FTSJ3: variants seen among roughly 807,000 people sequenced by gnomAD.
FTSJ3 encodes pre-rRNA 2'-O-ribose RNA methyltransferase FTSJ3.
FTSJ3 carries 46 observed loss-of-function variants against 111.5 expected under a neutral mutation model. That is an observed-to-expected ratio of 0.41 (90% confidence interval 0.33 to 0.53). FTSJ3 has a LOEUF of 0.53. Among genes scored for constraint, FTSJ3 ranks in the 20% least tolerant of loss-of-function variants. The probability of loss-of-function intolerance (pLI) is 0.19; values close to 1 mark genes in which losing one functional copy is unlikely to be tolerated. For synonymous variants in FTSJ3, 408 were observed against 383.0 expected (o/e 1.07, Z -0.76); for missense variants, 1,075 against 1,063.8 (o/e 1.01, Z -0.15).
rs201676074 is a variant in FTSJ3, at chr17:63,819,858, T to C, written c.2488A>G (p.Lys830Glu). 3.6e-5 allele frequency: 58 copies of C among 1,613,966 alleles called. No homozygotes were observed. The highest frequency in any genetic ancestry group is 6.7e-5 in the East Asian group (3 of 44,882). ...TTACGTTGCTGTGCTCTTTGGTCCT[T>C]CTTCATCCTTGAGTCCACCACCTTG... ...HFKVVDSRMK[K>E]DQRAQQRKEQ... is the part of the protein sequence containing the mutation. The change falls in exon 21 of 21, where the codon AAG (lysine) becomes GAG (glutamate). Residue 830 changes from lysine (K) to glutamate (E), a missense_variant. Coordinates refer to ENST00000427159, the MANE Select transcript of FTSJ3 (RefSeq NM_017647.4).
At position 63,821,968 on chromosome 17, in the gene FTSJ3, C is replaced by T; in HGVS notation, c.1475+16G>A. The T allele has an allele frequency of 6.2e-7, 1 of 1,613,340 alleles. No homozygotes were observed. The highest frequency in any genetic ancestry group is 8.5e-7 in the Non-Finnish European group (1 of 1,179,412). The stretch of plus-strand genomic sequence containing the variant: ...CAGAGTGGCAGCATTCCCTTTGGTG[C>T]ACACGTGCCCCTTACCGCTTTTGGT... On this transcript the variant is annotated intron_variant, in intron 14 of 20. Coordinates refer to ENST00000427159, the MANE Select transcript of FTSJ3 (RefSeq NM_017647.4).
Position 63,826,362 on chromosome 17 carries a change from C to G in FTSJ3, c.174-58G>C, listed in dbSNP as rs2040103892. 7.9e-6 allele frequency: 12 copies of G among 1,520,948 alleles called. No individual in the cohort carries two copies. In the South Asian group the frequency reaches 1.2e-4, roughly 16 times the overall value. 94.2% of individuals were successfully genotyped at this position (1,520,948 alleles called of 1,614,324 possible). A position where few individuals can be genotyped will look rare whatever the true frequency, so the allele number is the denominator to read the frequency against. On this transcript the variant is annotated intron_variant, in intron 3 of 20. Transcript: ENST00000427159. ...GCCATCCTTTTCCCCCTCTTGGCAACTGATCTCTCATCCCTGGTGTTACGT... is the reference window on the plus strand; with the variant it reads ...GCCATCCTTTTCCCCCTCTTGGCAAGTGATCTCTCATCCCTGGTGTTACGT...
rs1225840036 is a variant in FTSJ3, at chr17:63,822,624, C to T, written c.1291-456G>A. On this transcript the variant is annotated intron_variant, in intron 13 of 20. Coordinates refer to ENST00000427159, the MANE Select transcript of FTSJ3 (RefSeq NM_017647.4). ...ACCAATTGTCAGAACCTTTTATTTT[C>T]CTCATGGTAAAGATACTAGGCTGGG... Among the ~76,000 whole-genome samples, 4 of 152,282 alleles carry T rather than the reference C, an allele frequency of 2.6e-5. No homozygotes were observed. In the South Asian group the frequency reaches 8.3e-4, roughly 32 times the overall value.
Position 63,821,424 on chromosome 17 carries a change from C to T in FTSJ3, c.1816G>A (p.Gly606Ser). Reference protein sequence around the residue: ...EASSGTEAATGLEGEEKDGIS... With the variant: ...EASSGTEAATSLEGEEKDGIS... ...CCATCCTTTTCTTCCCCTTCAAGGC[C>T]AGTGGCAGCTTCTGTCCCCGAAGAA... is the stretch of plus-strand genomic sequence containing the variant. The change falls in exon 16 of 21, where the codon GGC becomes AGC. Residue 606 changes from glycine (G) to serine (S), a missense_variant. Gly to Ser is a moderately conservative substitution (Grantham distance 56, BLOSUM62 0). Transcript: ENST00000427159. 2.2e-5 allele frequency: 35 copies of T among 1,614,168 alleles called. No individual in the cohort carries two copies. Among genetic ancestry groups the T allele is most frequent in the Non-Finnish European group, 2.9e-5 (34 of 1,180,030 alleles).
At chr17:63,823,594 C>CAA (rs56412606) in intron 13 of FTSJ3, 105 of 391,516 alleles carry the variant, frequency 2.7e-4, no homozygotes, top group Non-Finnish European at 3.7e-4. Context: ...GACTCCGTCT[C>CAA]AAAAAAAAAA....
rs565074305 is a variant in FTSJ3 at position 63,820,941 on chromosome 17, A to G, written c.1973-3T>C. 17 of 1,613,770 alleles carry G rather than the reference A, an allele frequency of 1.1e-5. No homozygotes were observed. In the African/African-American group the frequency reaches 2.3e-4, roughly 22 times the overall value. ...GGGGTCCAGTATCCGATGTTTCGCT[A>G]GAGAGGGAAGGAGAAAGGTCAAAGC... On this transcript the variant is annotated splice_polypyrimidine_tract_variant and splice_region_variant and intron_variant, in intron 17 of 20. Transcript: ENST00000427159.
Position 63,827,371 on chromosome 17 carries a change from G to A in FTSJ3, c.-346C>T, listed in dbSNP as rs919422219. On this transcript the variant is annotated 5_prime_UTR_variant, in exon 1 of 21. Coordinates refer to ENST00000427159, the MANE Select transcript of FTSJ3 (RefSeq NM_017647.4). ...ATGGTTCCCTTAGTGTGGTCTCGCC[G>A]CACACCCCGCCCATTGACCCGGAAT... 3 of 1,417,216 alleles carry A rather than the reference G, an allele frequency of 2.1e-6. No individual in the cohort carries two copies. Among genetic ancestry groups the A allele is most frequent in the Admixed American group, 2.0e-5 (1 of 49,820 alleles). 87.8% of individuals were successfully genotyped at this position (1,417,216 alleles called of 1,614,324 possible). A position where few individuals can be genotyped will look rare whatever the true frequency, so the allele number is the denominator to read the frequency against.
In FTSJ3 at chr17:63,821,229, C is replaced by G. The variant is rs2040048062; in HGVS notation, c.1887-114G>C. ...AGGCTGTACCCCAGACCAGTTAAAT[C>G]AGGATCGTCAGTACAGTATTTTTAA... On this transcript the variant is annotated intron_variant, in intron 16 of 20. Coordinates refer to ENST00000427159, the MANE Select transcript of FTSJ3 (RefSeq NM_017647.4). The G allele has an allele frequency of 2.0e-6, 3 of 1,510,904 alleles. 1 individual carries two copies. In the South Asian group the frequency reaches 3.4e-5, roughly 17 times the overall value. 93.6% of individuals were successfully genotyped at this position (1,510,904 alleles called of 1,614,324 possible).
In FTSJ3 at chr17:63,823,753, C is replaced by G. The variant is rs1025875952; in HGVS notation, c.1290+64G>C. 10 of 1,565,368 alleles carry G rather than the reference C, an allele frequency of 6.4e-6. No homozygotes were observed. The African/African-American group carries it at 1.2e-4, about 19-fold the overall frequency. ...AACCTAAAAAGACATTCAACACCCC[C>G]CACCTCCAAACACCCAAACAGATCC... On this transcript the variant is annotated intron_variant, in intron 13 of 20. Transcript: ENST00000427159.
chr17:63,822,287 A>G (rs1598349343), intron 13 of FTSJ3, 119 bp from the exon 14 acceptor site: 2 of 801,652 alleles, frequency 2.5e-6, no homozygotes, highest in East Asian at 2.7e-5. Context: ...CAAATCCATT[A>G]TCCTTTCACA....
chr17:63,825,494 C>A, intron 6 of FTSJ3, 42 bp downstream of exon 6: 1 of 1,611,834 alleles, frequency 6.2e-7, no homozygotes. Flanking sequence ...CATGCGCCCA[C>A]CTCCACCATC....
At position 63,821,717 on chromosome 17, in the gene FTSJ3, C is replaced by T. The variant is rs1567751936; in HGVS notation, c.1596+6G>A. 2 of 1,614,236 alleles carry T rather than the reference C, an allele frequency of 1.2e-6. No individual in the cohort carries two copies. The highest frequency in any genetic ancestry group is 1.3e-5 in the African/African-American group (1 of 75,050). ...CCCCGCAGTCTTGCCCCCGGCCTCTCCTTACCTTTGAGAACCACAGGTTGG... is the reference window on the plus strand; with the variant it reads ...CCCCGCAGTCTTGCCCCCGGCCTCTTCTTACCTTTGAGAACCACAGGTTGG... On this transcript the variant is annotated splice_donor_region_variant and intron_variant, in intron 15 of 20. Transcript: ENST00000427159.
intron 18 of FTSJ3, 79 bp downstream of exon 18, chr17:63,820,760 A>G: frequency 2.0e-6 from 2 of 984,914 alleles, no homozygotes; most frequent in South Asian, 1.3e-5. Flanking sequence ...ACAGAGCGAG[A>G]CTCCATCTCA....
At chr17:63,820,207 A>AACCCCCCCCCC in intron 19 of FTSJ3, 34 bp from the exon 20 acceptor site, 7 of 310,958 alleles carry the variant, frequency 2.3e-5, no homozygotes, top group Admixed American at 3.9e-5. Context: ...CCTCTTCCCC[A>AACCCCCCCCCC]TCCCCCCACC....
rs61747443 is a variant in FTSJ3 at position 63,822,092 on chromosome 17, T to C, written c.1367A>G (p.Tyr456Cys). ...ACCGTCGTCCTCAACATCTGACACATAGATATCATCCCTTGGCAGATCGGA... is the reference window on the plus strand; with the variant it reads ...ACCGTCGTCCTCAACATCTGACACACAGATATCATCCCTTGGCAGATCGGA... ...FLSDLPRDDIYVSDVEDDGDD... is the reference protein window; with the variant it reads ...FLSDLPRDDICVSDVEDDGDD... The change falls in exon 14 of 21, where the codon TAT becomes TGT. Residue 456 changes from tyrosine to cysteine, a missense_variant. Tyr to Cys is a radical substitution (Grantham distance 194). Transcript: ENST00000427159. 2,030 of 1,614,222 alleles carry C rather than the reference T, an allele frequency of 1.3e-3. 15 individuals carry two copies. In the African/African-American group the frequency reaches 0.017, roughly 14 times the overall value.
intron 13 of FTSJ3, among the ~76,000 whole-genome samples, chr17:63,822,875 T>C (rs1293881705): frequency 6.6e-6 from 1 of 152,164 alleles, no homozygotes; most frequent in Non-Finnish European, 1.5e-5. Context: ...CACCAAAAAC[T>C]CTAGTAGGTA....
chr17:63,820,463 A>C, intron 18 of FTSJ3, 25 bp from the exon 19 acceptor site: 1 of 1,607,708 alleles, frequency 6.2e-7, no homozygotes, highest in Non-Finnish European at 8.5e-7. Flanking sequence ...CATCTGTCTA[A>C]TATCCAACAT....
chr17:63,824,507 A>G, intron 10 of FTSJ3, 96 bp from the exon 11 acceptor site: 2 of 1,486,990 alleles, frequency 1.3e-6, no homozygotes, highest in Non-Finnish European at 1.9e-6. Flanking sequence ...GGCTTCGGCT[A>G]CATAAATCAA....
Position 63,819,679 on chromosome 17 carries a change from C to G in FTSJ3, c.*123G>C. On this transcript the variant is annotated 3_prime_UTR_variant, in exon 21 of 21. Transcript: ENST00000427159. ...CACGGGAGTTCTAGGCACTCCACCTCACTGTTCTTCAGACAGCTGTGATGT... is the reference window on the plus strand; with the variant it reads ...CACGGGAGTTCTAGGCACTCCACCTGACTGTTCTTCAGACAGCTGTGATGT... 2 of 916,202 alleles carry G rather than the reference C, an allele frequency of 2.2e-6. No individual in the cohort carries two copies. The highest frequency in any genetic ancestry group is 3.3e-6 in the Non-Finnish European group (2 of 604,444). 56.8% of individuals were successfully genotyped at this position (916,202 alleles called of 1,614,324 possible).
Sources: gnomAD v4.1 joint callset for allele counts (sites outside exome capture counted in the v4.1 genomes callset) on GRCh38, gnomAD v4.1.1 for gene constraint, MANE v1.5 for transcripts, NCBI Gene and HGNC (gene_info 2026-07-23, HGNC 2026-07-21) for gene names.